TBC1D1: variants seen among roughly 807,000 people sequenced by gnomAD.
The protein encoded by TBC1D1 is TBC1 domain family member 1, also known as TBC1 (tre-2/USP6, BUB2, cdc16) domain family, member 1.
A neutral mutation model predicts 125.6 loss-of-function variants in TBC1D1; 89 were observed. That is an observed-to-expected ratio of 0.71 (90% confidence interval 0.60 to 0.85). The LOEUF (loss-of-function observed/expected upper bound fraction) is 0.85, where lower values mean the gene tolerates loss of function less well. Ranked by LOEUF, TBC1D1 falls within the 40% of genes least tolerant of loss-of-function variation. The pLI, the probability that TBC1D1 is intolerant of heterozygous loss-of-function variation, is 0.00. For synonymous variants in TBC1D1, 565 were observed against 564.1 expected (o/e 1.00, Z -0.02); for missense variants, 1,377 against 1,469.2 (o/e 0.94, Z 1.03).
intron 2 of TBC1D1, among the ~76,000 whole-genome samples, chr4:37,948,222 G>A (rs1206541477): frequency 6.6e-6 from 1 of 152,178 alleles, no homozygotes; most frequent in Non-Finnish European, 1.5e-5. Context: ...GGACTGGAGG[G>A]CAGTGGGTGT....
chr4:37,940,610 A>G (rs574737861), intron 2 of TBC1D1, among the ~76,000 whole-genome samples: 30 of 152,320 alleles, frequency 2.0e-4, no homozygotes, highest in African/African-American at 6.3e-4. Context: ...CCAGTTTTCA[A>G]AGGGAATGCT....
chr4:38,019,328 T>C (rs1743501079), intron 4 of TBC1D1, among the ~76,000 whole-genome samples: 1 of 152,198 alleles, frequency 6.6e-6, no homozygotes, highest in African/African-American at 2.4e-5. Context: ...TAGGGAACCA[T>C]TTACAAAGAA....
intron 2 of TBC1D1, among the ~76,000 whole-genome samples, chr4:37,931,612 G>T (rs1723274163): frequency 6.6e-6 from 1 of 151,836 alleles, no homozygotes. Flanking sequence ...TGAGTAGCTG[G>T]GATTACAGGC....
At chr4:37,904,507 G>A (rs963209270) in intron 2 of TBC1D1, among the ~76,000 whole-genome samples, 11 of 152,142 alleles carry the variant, frequency 7.2e-5, no homozygotes, top group African/African-American at 2.7e-4. Context: ...TTACACATTT[G>A]ACTCTTTCCC....
chr4:37,982,451 A>G (rs1366737066), intron 2 of TBC1D1, among the ~76,000 whole-genome samples: 1 of 152,214 alleles, frequency 6.6e-6, no homozygotes, highest in African/African-American at 2.4e-5. Flanking sequence ...TAGTCAAACC[A>G]TTCCTTGAAT....
intron 12 of TBC1D1, among the ~76,000 whole-genome samples, chr4:38,088,624 G>A (rs1419483773): frequency 6.6e-6 from 1 of 152,074 alleles, no homozygotes; most frequent in African/African-American, 2.4e-5. Flanking sequence ...GTAAAGATAT[G>A]ATAGCAAACA....
intron 2 of TBC1D1, among the ~76,000 whole-genome samples, chr4:38,001,382 C>T (rs1739056112): frequency 6.6e-6 from 1 of 152,154 alleles, no homozygotes; most frequent in Non-Finnish European, 1.5e-5. Flanking sequence ...CCAGGAGCTC[C>T]CTGAATCCCA....
intron 8 of TBC1D1, among the ~76,000 whole-genome samples, chr4:38,040,084 T>A (rs1357793327): frequency 1.3e-5 from 2 of 152,246 alleles, no homozygotes; most frequent in Admixed American, 6.5e-5. Context: ...TGCAATTTTT[T>A]AAACATTTTA....
Position 38,049,720 on chromosome 4 carries a change from C to T in TBC1D1, c.1732C>T (p.Pro578Ser), listed in dbSNP as rs769346943. ...GTCCAGTGACTCGGAGAGTCATCTC[C>T]CAGAAGAGCCAGCTCCGCTGTCGCC... Residue 578 changes from proline to serine, a missense_variant, in exon 11 of 20, where the codon CCA (proline) becomes TCA (serine). Pro to Ser is a moderately conservative substitution (Grantham distance 74, BLOSUM62 -1). Coordinates refer to ENST00000261439, the MANE Select transcript of TBC1D1 (RefSeq NM_015173.4). 3.7e-6 allele frequency: 6 copies of T among 1,614,042 alleles called. No individual in the cohort carries two copies. The highest frequency in any genetic ancestry group is 5.1e-6 in the Non-Finnish European group (6 of 1,180,032).
chr4:38,050,743 T>C (rs892731971), intron 11 of TBC1D1, among the ~76,000 whole-genome samples: 5 of 152,240 alleles, frequency 3.3e-5, no homozygotes, highest in African/African-American at 1.2e-4. Context: ...GTGTAGTTCA[T>C]ACACGGATCA....
At chr4:38,134,977 C>T (rs1766240442) in intron 19 of TBC1D1, among the ~76,000 whole-genome samples, 1 of 152,234 alleles carries the variant, frequency 6.6e-6, no homozygotes, top group Non-Finnish European at 1.5e-5. Context: ...GAGTAAGACA[C>T]TGCAGCTCTC....
intron 12 of TBC1D1, among the ~76,000 whole-genome samples, chr4:38,060,360 T>C (rs1377483258): frequency 6.6e-6 from 1 of 152,248 alleles, no homozygotes; most frequent in African/African-American, 2.4e-5. Context: ...AAAGCATTCT[T>C]ACTTCTCCGC....
intron 2 of TBC1D1, among the ~76,000 whole-genome samples, chr4:37,983,977 C>A (rs1734915894): frequency 6.6e-6 from 1 of 152,122 alleles, no homozygotes; most frequent in South Asian, 2.1e-4. Flanking sequence ...ATATATAGTT[C>A]TGCCTATAGA....
chr4:38,022,218 T>C (rs35377184), intron 6 of TBC1D1, among the ~76,000 whole-genome samples: 19,580 of 152,240 alleles, frequency 0.13, 1,396 homozygotes, highest in African/African-American at 0.18. Context: ...ACTATTAGTA[T>C]TGACCAGTAT....
intron 8 of TBC1D1, among the ~76,000 whole-genome samples, chr4:38,042,010 C>CA (rs200742957): frequency 0.026 from 3,912 of 151,552 alleles, 58 homozygotes; most frequent in Non-Finnish European, 0.041. Flanking sequence ...CCCATCTCTA[C>CA]AAAAAAAATA....
intron 2 of TBC1D1, among the ~76,000 whole-genome samples, chr4:37,917,321 A>C (rs1156603137): frequency 6.6e-6 from 1 of 151,796 alleles, no homozygotes; most frequent in Admixed American, 6.6e-5. Flanking sequence ...TAAAAAATAC[A>C]AAAATTAGCT....
chr4:37,978,134 C>G (rs749871036), intron 2 of TBC1D1, among the ~76,000 whole-genome samples: 17 of 152,242 alleles, frequency 1.1e-4, no homozygotes, highest in Non-Finnish European at 2.2e-4. Context: ...TTCGAGATAA[C>G]TGGGTGGTGC....
intron 8 of TBC1D1, among the ~76,000 whole-genome samples, chr4:38,040,520 C>T (rs983478210): frequency 1.2e-4 from 18 of 152,192 alleles, no homozygotes; most frequent in African/African-American, 4.3e-4. Context: ...GTCTCTTGTC[C>T]TCGTGATCCG....
chr4:38,116,793 T>G (rs1763058723), intron 16 of TBC1D1, among the ~76,000 whole-genome samples: 1 of 152,230 alleles, frequency 6.6e-6, no homozygotes, highest in South Asian at 2.1e-4. Context: ...CATGTTGATA[T>G]GTTCATTTAC....
Sources: allele counts gnomAD v4.1 joint callset (sites outside exome capture counted in the v4.1 genomes callset), GRCh38; gene constraint gnomAD v4.1.1; transcripts MANE v1.5; gene names NCBI Gene and HGNC (gene_info 2026-07-23, HGNC 2026-07-21).